The following PDZRN4 variants were observed in gnomAD, a reference collection of about 807,000 sequenced individuals.
The protein encoded by PDZRN4 is PDZ domain containing ring finger 4, also known as PDZ domain-containing RING finger protein 4.
A neutral mutation model predicts 99.0 loss-of-function variants in PDZRN4; 70 were observed. That is an observed-to-expected ratio of 0.71 (90% CI 0.58 to 0.86). The LOEUF is 0.86. Ranked by LOEUF, PDZRN4 falls within the 40% of genes least tolerant of loss-of-function variation. PDZRN4 has a pLI of 0.00. For synonymous variants in PDZRN4, 551 were observed against 501.6 expected (o/e 1.10, Z -1.32); for missense variants, 1,474 against 1,331.2 (o/e 1.11, Z -1.67).
intron 8 of PDZRN4, 97 bp from the exon 9 acceptor site, chr12:41,567,686 T>A (rs537545472): frequency 1.7e-6 from 1 of 572,054 alleles, no homozygotes; most frequent in East Asian, 3.1e-5. Flanking sequence ...ATCATTATGA[T>A]AAAAGGAACT....
chr12:41,537,273 AAATGTGTGC>A (rs1938765123), intron 5 of PDZRN4, among the ~76,000 whole-genome samples: 1 of 152,190 alleles, frequency 6.6e-6, no homozygotes, highest in African/African-American at 2.4e-5. Context: ...ACGTGGTTTG[AAATGTGTGC>A]ATTTATGTGG....
At chr12:41,415,840 T>A (rs1380295201) in intron 3 of PDZRN4, among the ~76,000 whole-genome samples, 2 of 152,174 alleles carry the variant, frequency 1.3e-5, no homozygotes, top group Non-Finnish European at 2.9e-5. Context: ...GCTTATTTAG[T>A]TAGATAATCA....
intron 3 of PDZRN4, chr12:41,413,236 G>A (rs555870975): frequency 2.6e-5 from 4 of 152,256 alleles, no homozygotes; most frequent in African/African-American, 9.6e-5. Flanking sequence ...AGAACTGGAA[G>A]ACATGATATT....
At chr12:41,281,022 G>T (rs922553342) in intron 3 of PDZRN4, among the ~76,000 whole-genome samples, 1 of 152,174 alleles carries the variant, frequency 6.6e-6, no homozygotes, top group East Asian at 1.9e-4. Context: ...GAAGGAGCAG[G>T]CAGCAATCTC....
At chr12:41,497,808 A>G (rs987479826) in intron 3 of PDZRN4, among the ~76,000 whole-genome samples, 11 of 152,094 alleles carry the variant, frequency 7.2e-5, no homozygotes, top group African/African-American at 2.4e-4. Flanking sequence ...GCACACAGAG[A>G]AAAAAAGACA....
intron 3 of PDZRN4, among the ~76,000 whole-genome samples, chr12:41,250,960 A>G (rs1951165884): frequency 6.6e-6 from 1 of 152,208 alleles, no homozygotes. Flanking sequence ...TTTTACTTTG[A>G]CTGGACCACA....
rs569559250 is a variant in PDZRN4 at position 41,280,956 on chromosome 12, C to G, written c.843+86768C>G. Among the ~76,000 whole-genome samples the G allele has an allele frequency of 9.2e-5, 14 of 152,278 alleles. No individual in the cohort carries two copies. In the East Asian group the frequency reaches 2.7e-3, roughly 29 times the overall value. On this transcript the variant is annotated intron_variant, in intron 3 of 9. Coordinates refer to ENST00000402685, the MANE Select transcript of PDZRN4 (RefSeq NM_001164595.2). ...AGCAGGGTTTGACAGACACCTCATACAGGAGAGCTCCAGCTGGCATCTGGC... is the reference window on the plus strand; with the variant it reads ...AGCAGGGTTTGACAGACACCTCATAGAGGAGAGCTCCAGCTGGCATCTGGC...
rs535025512 is a variant in PDZRN4 at position 41,416,572 on chromosome 12, G to A, written c.844-89884G>A. ...CTCGGGAGGCTGAGGCAGGAGAATA[G>A]CTTGAACCCAGGAGGCGGAGGTTGC... On this transcript the variant is annotated intron_variant, in intron 3 of 9. Coordinates refer to ENST00000402685, the MANE Select transcript of PDZRN4 (RefSeq NM_001164595.2). Among the ~76,000 whole-genome samples, 51 of 152,242 alleles carry A rather than the reference G, an allele frequency of 3.3e-4. 1 individual carries two copies. Among genetic ancestry groups the A allele is most frequent in the African/African-American group, 1.2e-3 (48 of 41,544 alleles).
chr12:41,332,646 C>T (rs2120996777), intron 3 of PDZRN4, among the ~76,000 whole-genome samples: 1 of 149,152 alleles, frequency 6.7e-6, no homozygotes, highest in South Asian at 2.1e-4. Context: ...CAAAGCAGAA[C>T]TCATTTGTGA....
Position 41,227,876 on chromosome 12 carries a change from T to TACACAC in PDZRN4, c.843+33727_843+33732dup, listed in dbSNP as rs138441771. Among the ~76,000 whole-genome samples the TACACAC allele has an allele frequency of 3.7e-3, 347 of 94,222 alleles. 1 individual carries two copies. The highest frequency in any genetic ancestry group is 0.011 in the African/African-American group (325 of 29,734). 61.8% of individuals were successfully genotyped at this position (94,222 alleles called of 152,430 possible). On this transcript the variant is annotated intron_variant, in intron 3 of 9. Transcript: ENST00000402685. ...TGTCTTAAGAAAACAAGCAAAAATC[T>TACACAC]ACACACACACACACACACACACACA...
intron 3 of PDZRN4, among the ~76,000 whole-genome samples, chr12:41,470,054 G>T (rs1952971549): frequency 6.6e-6 from 1 of 152,194 alleles, no homozygotes; most frequent in Non-Finnish European, 1.5e-5. Context: ...CTGTCATTTG[G>T]CACTAGGAGT....
intron 3 of PDZRN4, among the ~76,000 whole-genome samples, chr12:41,205,311 G>A (rs539919693): frequency 6.6e-6 from 1 of 152,010 alleles, no homozygotes; most frequent in South Asian, 2.1e-4. Flanking sequence ...CAGCCAGAGA[G>A]ATCATTTATG....
At chr12:41,334,380 A>C (rs903257536) in intron 3 of PDZRN4, among the ~76,000 whole-genome samples, 3 of 93,684 alleles carry the variant, frequency 3.2e-5, no homozygotes, top group African/African-American at 1.1e-4. Flanking sequence ...GGGAACATTA[A>C]TGAAAAGTTA....
chr12:41,194,023 CTAA>C, intron 2 of PDZRN4, 55 bp from the exon 3 acceptor site: 1 of 771,632 alleles, frequency 1.3e-6, no homozygotes, highest in Admixed American at 2.0e-5. Context: ...TAAATTGTCC[CTAA>C]TAATATTTAA....
chr12:41,234,422 T>G (rs948634306), intron 3 of PDZRN4, among the ~76,000 whole-genome samples: 1 of 152,112 alleles, frequency 6.6e-6, no homozygotes, highest in Non-Finnish European at 1.5e-5. Flanking sequence ...GAACCTAGGC[T>G]GAGGGTATGG....
chr12:41,568,639 G>C (rs752052977), intron 9 of PDZRN4, among the ~76,000 whole-genome samples: 21 of 152,218 alleles, frequency 1.4e-4, no homozygotes, highest in Admixed American at 2.0e-4. Flanking sequence ...AGATCACAGT[G>C]TGATTAGTAT....
intron 3 of PDZRN4, among the ~76,000 whole-genome samples, chr12:41,271,120 T>A (rs149705531): frequency 0.014 from 2,180 of 152,226 alleles, 22 homozygotes; most frequent in Middle Eastern, 0.034. Flanking sequence ...ATATAAATAT[T>A]CTTATCTCAT....
At chr12:41,462,196 T>A (rs1251500756) in intron 3 of PDZRN4, among the ~76,000 whole-genome samples, 1 of 152,192 alleles carries the variant, frequency 6.6e-6, no homozygotes. Context: ...ACTTCATATA[T>A]GATTTTTGTA....
At chr12:41,455,026 G>T (rs1297381047) in intron 3 of PDZRN4, among the ~76,000 whole-genome samples, 1 of 152,172 alleles carries the variant, frequency 6.6e-6, no homozygotes, top group African/African-American at 2.4e-5. Flanking sequence ...CTAGACTATT[G>T]TATTGGACAG....
Sources: gnomAD v4.1 joint callset for allele counts (sites outside exome capture counted in the v4.1 genomes callset) on GRCh38, gnomAD v4.1.1 for gene constraint, MANE v1.5 for transcripts, NCBI Gene and HGNC (gene_info 2026-07-23, HGNC 2026-07-21) for gene names.